MEF2C: variants seen among roughly 807,000 people sequenced by gnomAD.
MEF2C encodes the protein myocyte enhancer factor 2C.
A neutral mutation model predicts 50.5 loss-of-function variants in MEF2C; 6 were observed. The observed-to-expected ratio is 0.12, with a 90% CI of 0.07 to 0.23. The LOEUF is 0.23. MEF2C is among the 10% of genes least tolerant of loss of function. The probability of loss-of-function intolerance (pLI) is 1.00; values close to 1 mark genes in which losing one functional copy is unlikely to be tolerated. For missense variants in MEF2C, 276 were observed against 605.0 expected (o/e 0.46, Z 5.70); for synonymous variants, 183 against 228.0 (o/e 0.80, Z 1.78).
intron 3 of MEF2C, among the ~76,000 whole-genome samples, chr5:88,777,499 G>A (rs1402484457): frequency 6.6e-6 from 1 of 152,238 alleles, no homozygotes; most frequent in East Asian, 1.9e-4. Flanking sequence ...ACCCATGAAT[G>A]AGCTCCAGAA....
intron 1 of MEF2C, among the ~76,000 whole-genome samples, chr5:88,861,714 T>C (rs183029028): frequency 6.6e-6 from 1 of 152,218 alleles, no homozygotes; most frequent in Non-Finnish European, 1.5e-5. Context: ...ATCTGGATCA[T>C]ATTGACTCTT....
At chr5:88,877,158 T>A (rs768712685) in intron 1 of MEF2C, among the ~76,000 whole-genome samples, 23 of 152,060 alleles carry the variant, frequency 1.5e-4, no homozygotes, top group Non-Finnish European at 2.9e-4. Flanking sequence ...GAGTAATGAT[T>A]CCTGAAGAAA....
At position 88,814,246 on chromosome 5, in the gene MEF2C, C is replaced by G. The variant is rs139096536; in HGVS notation, c.55-9445G>C. 3.2e-4 allele frequency among the ~76,000 whole-genome samples: 48 copies of G among 151,846 alleles called. No individual in the cohort carries two copies. In the East Asian group the frequency reaches 8.4e-3, roughly 27 times the overall value. ...TTCTTCAGTTTTATTTTGTTTAATTCAGTCTGTCATTAGAAAGGCTCGCGA... is the reference window on the plus strand; with the variant it reads ...TTCTTCAGTTTTATTTTGTTTAATTGAGTCTGTCATTAGAAAGGCTCGCGA... On this transcript the variant is annotated intron_variant, in intron 2 of 10. Coordinates refer to ENST00000504921, the MANE Select transcript of MEF2C (RefSeq NM_002397.5).
intron 2 of MEF2C, among the ~76,000 whole-genome samples, chr5:88,811,893 C>T (rs767435636): frequency 6.6e-6 from 1 of 152,094 alleles, no homozygotes; most frequent in Non-Finnish European, 1.5e-5. Flanking sequence ...CCAGCTCTGC[C>T]TTTTATGAGC....
At chr5:88,740,663 T>G in intron 6 of MEF2C, 1 of 983,996 alleles carries the variant, frequency 1.0e-6, no homozygotes, top group African/African-American at 1.8e-5. Flanking sequence ...ATTGACAATC[T>G]GATGTCTCCA....
intron 2 of MEF2C, among the ~76,000 whole-genome samples, chr5:88,823,226 T>C (rs1809287694): frequency 6.6e-6 from 1 of 151,954 alleles, no homozygotes; most frequent in African/African-American, 2.4e-5. Context: ...ATATCTTGTG[T>C]GGGTGTTTTC....
chr5:88,837,415 G>T (rs1815596973), intron 1 of MEF2C, among the ~76,000 whole-genome samples: 1 of 152,106 alleles, frequency 6.6e-6, no homozygotes, highest in African/African-American at 2.4e-5. Context: ...AGTGCAATTT[G>T]TTTCCAAACC....
chr5:88,782,021 G>A lies in MEF2C; in HGVS notation c.259-20693C>T, dbSNP rs1027999328. The A allele has an allele frequency of 1.7e-5, 9 of 518,662 alleles. No homozygotes were observed. The African/African-American group carries it at 1.9e-4, about 11-fold the overall frequency. 32.1% of individuals were successfully genotyped at this position (518,662 alleles called of 1,614,324 possible). On this transcript the variant is annotated intron_variant, in intron 3 of 10. Coordinates refer to ENST00000504921, the MANE Select transcript of MEF2C (RefSeq NM_002397.5). ...AACTGCACATGTTCTGAGGAAGGAG[G>A]ATCTTTTGATCCCAGGAGTTTGAGA...
In MEF2C at chr5:88,797,454, C is replaced by CTTTTTTTTTTTTT. The variant is rs1169605093; in HGVS notation, c.258+7143_258+7144insAAAAAAAAAAAAA. 3.6e-4 allele frequency among the ~76,000 whole-genome samples: 9 copies of CTTTTTTTTTTTTT among 25,242 alleles called. 2 individuals carry two copies. Among genetic ancestry groups the CTTTTTTTTTTTTT allele is most frequent in the Non-Finnish European group, 6.5e-4 (7 of 10,738 alleles). 16.6% of individuals were successfully genotyped at this position (25,242 alleles called of 152,430 possible). On this transcript the variant is annotated intron_variant, in intron 3 of 10. Coordinates refer to ENST00000504921, the MANE Select transcript of MEF2C (RefSeq NM_002397.5). ...TCACAGACTAGGATTGCAACCCTTG[C>CTTTTTTTTTTTTT]CTTTTTTTTTTTTTTTTTTTTTTTT...
At chr5:88,820,075 TTATATA>T (rs10554644) in intron 2 of MEF2C, among the ~76,000 whole-genome samples, 1 of 150,272 alleles carries the variant, frequency 6.7e-6, no homozygotes, top group African/African-American at 2.4e-5. Context: ...TTATTTGTAA[TTATATA>T]TATATATATA....
chr5:88,797,444 G>A (rs2153013504), intron 3 of MEF2C, among the ~76,000 whole-genome samples: 1 of 110,732 alleles, frequency 9.0e-6, no homozygotes, highest in Non-Finnish European at 1.8e-5. Flanking sequence ...GACTAGGATT[G>A]CAACCCTTGC....
At chr5:88,741,245 A>G (rs1185534652) in intron 6 of MEF2C, 1 of 985,328 alleles carries the variant, frequency 1.0e-6, no homozygotes, top group Non-Finnish European at 1.2e-6. Flanking sequence ...GAAAGGCTAG[A>G]AAATCAAGAA....
intron 6 of MEF2C, among the ~76,000 whole-genome samples, chr5:88,747,669 A>T (rs1211160864): frequency 6.6e-6 from 1 of 151,820 alleles, no homozygotes; most frequent in East Asian, 1.9e-4. Context: ...ACTTTTAATG[A>T]CTTTCAGAAC....
chr5:88,736,591 A>G, intron 6 of MEF2C: 2 of 973,922 alleles, frequency 2.1e-6, no homozygotes, highest in Non-Finnish European at 2.4e-6. Context: ...ACCAGGCCTT[A>G]AGAGGAGTTT....
chr5:88,817,076 A>G (rs951441989), intron 2 of MEF2C, among the ~76,000 whole-genome samples: 1 of 151,994 alleles, frequency 6.6e-6, no homozygotes, highest in Admixed American at 6.6e-5. Context: ...TCTTCCATCT[A>G]TTCTCCAACT....
At chr5:88,735,703 T>G (rs1763789599) in intron 6 of MEF2C, 1 of 985,426 alleles carries the variant, frequency 1.0e-6, no homozygotes, top group Non-Finnish European at 1.2e-6. Context: ...GAGAAAAACA[T>G]TTTTCTCCCC....
intron 2 of MEF2C, among the ~76,000 whole-genome samples, chr5:88,817,429 C>CT (rs1805982272): frequency 6.6e-6 from 1 of 151,898 alleles, no homozygotes; most frequent in African/African-American, 2.4e-5. Flanking sequence ...ATTTTTCCAG[C>CT]TTTTTTCCTA....
At chr5:88,857,382 G>A (rs1462808951) in intron 1 of MEF2C, among the ~76,000 whole-genome samples, 9 of 152,164 alleles carry the variant, frequency 5.9e-5, no homozygotes, top group African/African-American at 1.7e-4. Flanking sequence ...GGGACTTGCC[G>A]TGTCTCAGAT....
intron 1 of MEF2C, among the ~76,000 whole-genome samples, chr5:88,861,474 G>C (rs1290097219): frequency 2.0e-5 from 3 of 152,182 alleles, no homozygotes. Context: ...GTATGTTCTT[G>C]AAATTTACCG....
Sources: gnomAD v4.1 joint callset for allele counts (sites outside exome capture counted in the v4.1 genomes callset) on GRCh38, gnomAD v4.1.1 for gene constraint, MANE v1.5 for transcripts, NCBI Gene and HGNC (gene_info 2026-07-23, HGNC 2026-07-21) for gene names.